Variants in AGBL4 observed in about 807,000 individuals in gnomAD.
AGBL4 encodes AGBL carboxypeptidase 4, also known as cytosolic carboxypeptidase 6.
In AGBL4, 58 loss-of-function variants were observed where a neutral mutation model predicts 66.4. The observed-to-expected ratio is 0.87, with a 90% confidence interval of 0.71 to 1.09. AGBL4 has a LOEUF of 1.09. Among genes scored for constraint, AGBL4 ranks in the 50% least tolerant of loss-of-function variants. The pLI is 0.00. For synonymous variants in AGBL4, 234 were observed against 222.9 expected (o/e 1.05, Z -0.44); for missense variants, 579 against 631.0 (o/e 0.92, Z 0.88).
chr1:48,626,511 C>G (rs1346994403), intron 9 of AGBL4, among the ~76,000 whole-genome samples: 1 of 152,220 alleles, frequency 6.6e-6, no homozygotes, highest in Non-Finnish European at 1.5e-5. Flanking sequence ...GGAAGTTCTG[C>G]CCATCAGTGG....
At chr1:48,696,992 C>T (rs1646722814) in intron 6 of AGBL4, among the ~76,000 whole-genome samples, 1 of 152,182 alleles carries the variant, frequency 6.6e-6, no homozygotes. Flanking sequence ...CACCTTCTCC[C>T]CCTCTATTGC....
chr1:49,869,270 T>C (rs1293786919), intron 1 of AGBL4, among the ~76,000 whole-genome samples: 2 of 152,186 alleles, frequency 1.3e-5, no homozygotes, highest in African/African-American at 4.8e-5. Context: ...ATATAACTTA[T>C]TCTATTATAA....
chr1:49,671,784 A>G (rs1646480750), intron 3 of AGBL4, among the ~76,000 whole-genome samples: 2 of 152,226 alleles, frequency 1.3e-5, no homozygotes, highest in African/African-American at 2.4e-5. Context: ...CCACAATGAG[A>G]TACCATCTCA....
In AGBL4 at chr1:49,948,580, T is replaced by TAG. The variant is rs1427799013; in HGVS notation, c.34+75182_34+75183insCT. On this transcript the variant is annotated intron_variant, in intron 1 of 13. Transcript: ENST00000371839. Reference sequence around the variant, plus strand: ...ATATATAAAAATATATATATATATATATAGAGAGAGAGAGAGAGAGAGAGA... The same window carrying TAG: ...ATATATAAAAATATATATATATATATAGATAGAGAGAGAGAGAGAGAGAGAGA... Among the ~76,000 whole-genome samples the TAG allele has an allele frequency of 5.4e-3, 685 of 126,830 alleles. 9 individuals are homozygous for TAG. The highest frequency in any genetic ancestry group is 0.019 in the African/African-American group (619 of 32,862). The allele number at this position is 126,830 out of a possible 152,430, so 83.2% of individuals were successfully genotyped here.
At chr1:49,622,542 T>C (rs1290748211) in intron 3 of AGBL4, among the ~76,000 whole-genome samples, 5 of 131,350 alleles carry the variant, frequency 3.8e-5, no homozygotes, top group African/African-American at 1.2e-4. Context: ...GGCAGGAGAA[T>C]GGCGTGAACC....
At chr1:49,902,698 G>A (rs753332776) in intron 1 of AGBL4, among the ~76,000 whole-genome samples, 27 of 152,272 alleles carry the variant, frequency 1.8e-4, no homozygotes, top group Non-Finnish European at 3.4e-4. Flanking sequence ...AGTGAGCTGA[G>A]ATCATGTCAC....
intron 5 of AGBL4, among the ~76,000 whole-genome samples, chr1:48,916,595 T>A (rs543563647): frequency 1.3e-5 from 2 of 152,274 alleles, no homozygotes; most frequent in Admixed American, 1.3e-4. Flanking sequence ...GATGTTTCCT[T>A]GTTCAAAAAA....
At chr1:49,201,703 A>C (rs1010707497) in intron 4 of AGBL4, among the ~76,000 whole-genome samples, 1 of 152,192 alleles carries the variant, frequency 6.6e-6, no homozygotes, top group Non-Finnish European at 1.5e-5. Flanking sequence ...TTACCAAATA[A>C]ATTTGTTTGA....
intron 3 of AGBL4, among the ~76,000 whole-genome samples, chr1:49,331,452 C>T (rs1339817087): frequency 6.6e-6 from 1 of 152,166 alleles, no homozygotes; most frequent in Non-Finnish European, 1.5e-5. Flanking sequence ...CTCAGCCATT[C>T]CAGCCTGCAG....
intron 3 of AGBL4, among the ~76,000 whole-genome samples, chr1:49,605,406 T>C (rs923077157): frequency 6.6e-6 from 1 of 152,080 alleles, no homozygotes; most frequent in Non-Finnish European, 1.5e-5. Flanking sequence ...TCAAAATGTA[T>C]AGTTTGATGG....
intron 2 of AGBL4, among the ~76,000 whole-genome samples, chr1:49,816,551 C>G (rs1645236792): frequency 6.6e-6 from 1 of 152,090 alleles, no homozygotes; most frequent in Non-Finnish European, 1.5e-5. Flanking sequence ...AGCCCAGATT[C>G]ATATCTAGAG....
chr1:48,851,180 T>G (rs1647024151), intron 6 of AGBL4, among the ~76,000 whole-genome samples: 1 of 152,166 alleles, frequency 6.6e-6, no homozygotes, highest in African/African-American at 2.4e-5. Context: ...TTATCCGTAG[T>G]GAGAACACTT....
At chr1:48,924,895 CTTTGAA>C (rs1461754298) in intron 5 of AGBL4, among the ~76,000 whole-genome samples, 1 of 151,986 alleles carries the variant, frequency 6.6e-6, no homozygotes, top group East Asian at 1.9e-4. Flanking sequence ...TTTAAATGTA[CTTTGAA>C]TTTGACATTT....
chr1:48,599,404 G>A (rs191070863), intron 9 of AGBL4, among the ~76,000 whole-genome samples: 30 of 152,258 alleles, frequency 2.0e-4, no homozygotes, highest in African/African-American at 5.5e-4. Flanking sequence ...CTACAAACAC[G>A]TGAATGAGTA....
chr1:49,584,025 G>A (rs1032000731), intron 3 of AGBL4, among the ~76,000 whole-genome samples: 7 of 152,114 alleles, frequency 4.6e-5, no homozygotes, highest in African/African-American at 1.2e-4. Flanking sequence ...CAGTACTCTT[G>A]TTGCCTTATT....
At chr1:49,629,898 C>T (rs991795901) in intron 3 of AGBL4, among the ~76,000 whole-genome samples, 1 of 152,116 alleles carries the variant, frequency 6.6e-6, no homozygotes, top group Non-Finnish European at 1.5e-5. Context: ...GGAAATCAAC[C>T]ATTCTCCATT....
At chr1:48,741,318 A>C (rs1649876032) in intron 6 of AGBL4, among the ~76,000 whole-genome samples, 1 of 152,220 alleles carries the variant, frequency 6.6e-6, no homozygotes, top group African/African-American at 2.4e-5. Flanking sequence ...TTCACAGACA[A>C]GGATGCCGAG....
chr1:49,369,507 C>T (rs1039791172), intron 3 of AGBL4, among the ~76,000 whole-genome samples: 1 of 152,000 alleles, frequency 6.6e-6, no homozygotes, highest in African/African-American at 2.4e-5. Flanking sequence ...ACAAGGTGAC[C>T]CTATGATTAC....
intron 9 of AGBL4, among the ~76,000 whole-genome samples, chr1:48,611,271 C>T (rs1275483298): frequency 6.6e-6 from 1 of 152,226 alleles, no homozygotes; most frequent in East Asian, 1.9e-4. Flanking sequence ...ATTTTCCTGT[C>T]AGATGGCCTG....
Sources: allele counts gnomAD v4.1 joint callset (sites outside exome capture counted in the v4.1 genomes callset), GRCh38; gene constraint gnomAD v4.1.1; transcripts MANE v1.5; gene names NCBI Gene and HGNC (gene_info 2026-07-23, HGNC 2026-07-21).